C8orf34: variants seen among roughly 807,000 people sequenced by gnomAD.
C8orf34 encodes the protein chromosome 8 open reading frame 34, also known as uncharacterized protein C8orf34.
A neutral mutation model predicts 68.3 loss-of-function variants in C8orf34; 65 were observed. That is an observed-to-expected ratio of 0.95 (90% CI 0.78 to 1.17). The LOEUF is 1.17. Among genes scored for constraint, C8orf34 ranks in the 50% most tolerant of loss-of-function variants. C8orf34 has a pLI of 0.00. For synonymous variants in C8orf34, 244 were observed against 241.2 expected (o/e 1.01, Z -0.11); for missense variants, 664 against 655.4 (o/e 1.01, Z -0.14).
Position 68,709,009 on chromosome 8 carries a change from C to T in C8orf34, c.1257C>T (p.Asn419=), listed in dbSNP as rs1281423920. Residue 419 remains asparagine (N), a synonymous_variant, in exon 9 of 14, where the codon AAC becomes AAT. Transcript: ENST00000518698. ...CSRCARLQGD[N]LEERTEESLP... ...AATTATTTAGGCTTCAAGGAGACAA[C>T]CTGGAAGAAAGGACAGAAGAGTCAC... 6.2e-7 allele frequency: 1 copy of T among 1,601,434 alleles called. No individual in the cohort carries two copies. Among genetic ancestry groups the T allele is most frequent in the African/African-American group, 1.3e-5 (1 of 74,132 alleles).
At chr8:68,673,370 C>T (rs1481546766) in intron 8 of C8orf34, among the ~76,000 whole-genome samples, 3 of 152,082 alleles carry the variant, frequency 2.0e-5, no homozygotes, top group Non-Finnish European at 4.4e-5. Flanking sequence ...TCTTGGATGG[C>T]ATTTCTGGAC....
At chr8:68,468,667 AAATT>A in intron 3 of C8orf34, 21 bp from the exon 4 acceptor site, 1 of 1,608,090 alleles carries the variant, frequency 6.2e-7, no homozygotes, top group Non-Finnish European at 8.5e-7. Flanking sequence ...CATGCTTATG[AAATT>A]ACCATTTTTT....
At chr8:68,519,935 C>T (rs1284256817) in intron 5 of C8orf34, among the ~76,000 whole-genome samples, 1 of 152,180 alleles carries the variant, frequency 6.6e-6, no homozygotes, top group East Asian at 1.9e-4. Flanking sequence ...CATGTCTTCA[C>T]AGTCATCTGC....
chr8:68,361,421 C>G (rs566926531), intron 1 of C8orf34, among the ~76,000 whole-genome samples: 1 of 152,244 alleles, frequency 6.6e-6, no homozygotes, highest in African/African-American at 2.4e-5. Flanking sequence ...TAGAGGAGGC[C>G]TCTGAGAGTC....
At chr8:68,547,692 T>G (rs952976733) in intron 7 of C8orf34, among the ~76,000 whole-genome samples, 45 of 151,794 alleles carry the variant, frequency 3.0e-4, no homozygotes, top group Non-Finnish European at 3.4e-4. Flanking sequence ...GCTTAGAAAG[T>G]TGACATTCAA....
chr8:68,501,630 A>G (rs1813776298), intron 5 of C8orf34, among the ~76,000 whole-genome samples: 2 of 151,538 alleles, frequency 1.3e-5, no homozygotes, highest in Admixed American at 1.3e-4. Flanking sequence ...CATTTTTTAA[A>G]TAATGTTAGT....
At chr8:68,573,243 C>T (rs1816807828) in intron 7 of C8orf34, among the ~76,000 whole-genome samples, 1 of 152,120 alleles carries the variant, frequency 6.6e-6, no homozygotes, top group Non-Finnish European at 1.5e-5. Context: ...TCAGTTGTGC[C>T]TTGTCACTTG....
chr8:68,758,282 G>T (rs1270733678), intron 10 of C8orf34, among the ~76,000 whole-genome samples: 10 of 152,212 alleles, frequency 6.6e-5, no homozygotes. Context: ...CAGTAAAATT[G>T]AGTAACTTCT....
intron 12 of C8orf34, among the ~76,000 whole-genome samples, chr8:68,797,951 G>T (rs939997419): frequency 4.6e-5 from 7 of 151,708 alleles, no homozygotes; most frequent in Admixed American, 3.9e-4. Context: ...GTAGAGAAAA[G>T]ACATAACACT....
chr8:68,645,438 C>T (rs1247734232), intron 8 of C8orf34, among the ~76,000 whole-genome samples: 2 of 152,114 alleles, frequency 1.3e-5, no homozygotes, highest in African/African-American at 4.8e-5. Flanking sequence ...GCCTCATTTT[C>T]CTGACATTGA....
chr8:68,397,806 T>C (rs1275320357), intron 1 of C8orf34, among the ~76,000 whole-genome samples: 1 of 152,192 alleles, frequency 6.6e-6, no homozygotes, highest in Non-Finnish European at 1.5e-5. Context: ...TCTCACTCTG[T>C]TGCCCAGTCT....
chr8:68,627,567 AATCT>A, intron 7 of C8orf34, among the ~76,000 whole-genome samples: 1 of 152,308 alleles, frequency 6.6e-6, no homozygotes, highest in South Asian at 2.1e-4. Flanking sequence ...TATGCAATAT[AATCT>A]TTTGTATTTG....
chr8:68,534,801 G>C (rs1815394291), intron 7 of C8orf34: 1 of 985,246 alleles, frequency 1.0e-6, no homozygotes, highest in African/African-American at 1.7e-5. Context: ...CTCCATGCTG[G>C]TACTCCCTAG....
Position 68,640,448 on chromosome 8 carries a change from G to A in C8orf34, c.1178G>A (p.Arg393His), listed in dbSNP as rs548341726. Reference sequence around the variant, plus strand: ...TCTGGGAGCAAATTTAACCAAGGCCGTCCTACTTACCCTGCTGAGCCTCAG... The same window carrying A: ...TCTGGGAGCAAATTTAACCAAGGCCATCCTACTTACCCTGCTGAGCCTCAG... ...VPSGSKFNQG[R>H]PTYPAEPQAK... Residue 393 changes from arginine (R) to histidine (H), a missense_variant, in exon 8 of 14, where the codon CGT becomes CAT. Physicochemically the swap from Arg to His is conservative, Grantham distance 29. Transcript: ENST00000518698. 3.8e-5 allele frequency: 61 copies of A among 1,613,828 alleles called. No individual in the cohort carries two copies. Among genetic ancestry groups the A allele is most frequent in the Admixed American group, 1.5e-4 (9 of 59,968 alleles).
rs138353227 is a variant in C8orf34 at position 68,575,216 on chromosome 8, C to T, written c.1105+42067C>T. On this transcript the variant is annotated intron_variant, in intron 7 of 13. Transcript: ENST00000518698. ...ATACATATACCTTGTACTTAGCTAACGTGATGCATTCATATTCTGGGTGAA... is the reference window on the plus strand; with the variant it reads ...ATACATATACCTTGTACTTAGCTAATGTGATGCATTCATATTCTGGGTGAA... Among the ~76,000 whole-genome samples, 374 of 152,102 alleles carry T rather than the reference C, an allele frequency of 2.5e-3. 1 individual carries two copies. Among genetic ancestry groups the T allele is most frequent in the African/African-American group, 8.0e-3 (333 of 41,512 alleles).
chr8:68,430,748 C>G (rs1810419543), intron 1 of C8orf34, among the ~76,000 whole-genome samples: 1 of 152,090 alleles, frequency 6.6e-6, no homozygotes, highest in African/African-American at 2.4e-5. Flanking sequence ...AAGATTTGAT[C>G]ATGCAATTGC....
intron 4 of C8orf34, among the ~76,000 whole-genome samples, chr8:68,470,223 A>G (rs1051528205): frequency 4.6e-5 from 7 of 152,078 alleles, no homozygotes; most frequent in African/African-American, 1.7e-4. Flanking sequence ...AAAGGCACAT[A>G]TTCGTATTTA....
chr8:68,338,338 A>G (rs1390223515), intron 1 of C8orf34, among the ~76,000 whole-genome samples: 1 of 152,164 alleles, frequency 6.6e-6, no homozygotes, highest in Non-Finnish European at 1.5e-5. Context: ...TTCAAACCAC[A>G]GCATATGTAG....
chr8:68,617,310 G>C (rs951263336), intron 7 of C8orf34, among the ~76,000 whole-genome samples: 1 of 152,176 alleles, frequency 6.6e-6, no homozygotes, highest in African/African-American at 2.4e-5. Context: ...TGTTATGTGT[G>C]AATTTGATCA....
Sources: allele counts gnomAD v4.1 joint callset (sites outside exome capture counted in the v4.1 genomes callset), GRCh38; gene constraint gnomAD v4.1.1; transcripts MANE v1.5; gene names NCBI Gene and HGNC (gene_info 2026-07-23, HGNC 2026-07-21).